The following CNNM2 variants were observed in gnomAD, a reference collection of about 807,000 sequenced individuals.
CNNM2 encodes metal transporter CNNM2.
Under a neutral mutation model 66.9 loss-of-function variants are expected in CNNM2, and 12 were observed. The ratio of observed to expected loss-of-function variants is 0.18; its 90% CI spans 0.11 to 0.29. The LOEUF is 0.29. CNNM2 is among the 10% of genes least tolerant of loss of function. The pLI is 1.00. For synonymous variants in CNNM2, 557 were observed against 501.8 expected (o/e 1.11, Z -1.47); for missense variants, 705 against 1,167.7 (o/e 0.60, Z 5.77).
At position 103,089,501 on chromosome 10, in the gene CNNM2, C is replaced by T; in HGVS notation, c.*12321C>T. On this transcript the variant is annotated 3_prime_UTR_variant, in exon 8 of 8. Transcript: ENST00000369878. ...GGACCATCTGCAGAGAGTACAGATA[C>T]ACAAAACCAAAACAAGTATCTATGA... The T allele has an allele frequency of 7.8e-7, 1 of 1,278,646 alleles. No individual in the cohort carries two copies. The highest frequency in any genetic ancestry group is 1.9e-5 in the South Asian group (1 of 53,978). 79.2% of individuals were successfully genotyped at this position (1,278,646 alleles called of 1,614,324 possible).
chr10:102,944,033 A>G (rs1373005736), intron 1 of CNNM2, among the ~76,000 whole-genome samples: 1 of 151,132 alleles, frequency 6.6e-6, no homozygotes, highest in Non-Finnish European at 1.5e-5. Flanking sequence ...TACAATTAAA[A>G]CCTCACATTT....
chr10:102,930,854 T>C (rs1846039993), intron 1 of CNNM2, among the ~76,000 whole-genome samples: 1 of 152,218 alleles, frequency 6.6e-6, no homozygotes. Context: ...TTCATCCATG[T>C]TGTAGCATGT....
intron 1 of CNNM2, among the ~76,000 whole-genome samples, chr10:102,985,891 G>C: frequency 6.6e-6 from 1 of 152,152 alleles, no homozygotes; most frequent in East Asian, 1.9e-4. Flanking sequence ...TCAGACTTCA[G>C]AGTATTATCC....
In CNNM2 at chr10:103,081,068, G is replaced by A. The variant is rs1158442720; in HGVS notation, c.*3888G>A. ...GTGATCCTAGGCAGATGACTCACCC[G>A]GGCTGGCACAGGAAGGTGCTCACCT... On this transcript the variant is annotated 3_prime_UTR_variant, in exon 8 of 8. Transcript: ENST00000369878. 1.3e-5 allele frequency: 2 copies of A among 152,182 alleles called. No homozygotes were observed. Among genetic ancestry groups the A allele is most frequent in the Non-Finnish European group, 2.9e-5 (2 of 68,062 alleles). 9.4% of individuals were successfully genotyped at this position (152,182 alleles called of 1,614,324 possible).
intron 1 of CNNM2, among the ~76,000 whole-genome samples, chr10:102,957,655 G>A (rs906589528): frequency 3.9e-5 from 6 of 152,284 alleles, no homozygotes; most frequent in South Asian, 4.1e-4. Flanking sequence ...TTCCTTCCAC[G>A]TCCAAGGTCC....
intron 1 of CNNM2, among the ~76,000 whole-genome samples, chr10:103,028,272 T>C (rs565455420): frequency 7.9e-5 from 12 of 152,376 alleles, no homozygotes; most frequent in African/African-American, 2.6e-4. Context: ...TGAGTTCTTT[T>C]GGCCATTCAT....
intron 1 of CNNM2, among the ~76,000 whole-genome samples, chr10:102,936,428 A>G (rs541858855): frequency 3.3e-5 from 5 of 151,786 alleles, no homozygotes; most frequent in African/African-American, 1.2e-4. Flanking sequence ...CCTACCTTTT[A>G]GTCATTGCTT....
At chr10:102,990,034 T>C (rs1392049899) in intron 1 of CNNM2, among the ~76,000 whole-genome samples, 1 of 150,998 alleles carries the variant, frequency 6.6e-6, no homozygotes, top group African/African-American at 2.4e-5. Context: ...AACCTCTCCC[T>C]CCCCGGTTCA....
At chr10:102,976,335 AG>A (rs1026181127) in intron 1 of CNNM2, among the ~76,000 whole-genome samples, 6 of 151,190 alleles carry the variant, frequency 4.0e-5, no homozygotes, top group African/African-American at 1.5e-4. Context: ...CCTTTGTTTC[AG>A]GGTTCTCTGA....
intron 1 of CNNM2, among the ~76,000 whole-genome samples, chr10:102,948,758 T>G (rs1451009718): frequency 2.0e-5 from 3 of 152,064 alleles, no homozygotes; most frequent in Non-Finnish European, 4.4e-5. Context: ...AGACTGGCAT[T>G]TGGAGGCCTT....
At chr10:102,959,073 G>A (rs1446947948) in intron 1 of CNNM2, among the ~76,000 whole-genome samples, 1 of 151,846 alleles carries the variant, frequency 6.6e-6, no homozygotes, top group Non-Finnish European at 1.5e-5. Flanking sequence ...TCAGCCTCAC[G>A]ACTAGCTGGG....
At chr10:103,070,688 T>G (rs1446801117) in intron 5 of CNNM2, among the ~76,000 whole-genome samples, 1 of 152,208 alleles carries the variant, frequency 6.6e-6, no homozygotes, top group Non-Finnish European at 1.5e-5. Context: ...AGTCTGGAAC[T>G]GCTAAAAAGG....
intron 1 of CNNM2, among the ~76,000 whole-genome samples, chr10:102,990,695 T>C (rs1342921951): frequency 6.6e-6 from 1 of 152,200 alleles, no homozygotes; most frequent in African/African-American, 2.4e-5. Context: ...TATACTTGTT[T>C]TGTAACAGAG....
intron 1 of CNNM2, among the ~76,000 whole-genome samples, chr10:103,005,174 A>AT (rs903859101): frequency 6.6e-6 from 1 of 151,706 alleles, no homozygotes; most frequent in Admixed American, 6.6e-5. Context: ...CTCGGCTCCC[A>AT]AAGTGATAGG....
At chr10:103,069,404 C>A (rs1054364012) in intron 5 of CNNM2, among the ~76,000 whole-genome samples, 1 of 152,198 alleles carries the variant, frequency 6.6e-6, no homozygotes, top group Admixed American at 6.5e-5. Flanking sequence ...TACTCCCAAC[C>A]TGTGCTGTGT....
intron 6 of CNNM2, among the ~76,000 whole-genome samples, chr10:103,073,587 C>T (rs972949447): frequency 1.3e-5 from 2 of 152,128 alleles, no homozygotes; most frequent in African/African-American, 2.4e-5. Flanking sequence ...ATGGGCCGGG[C>T]GCGGTGGCTC....
chr10:103,052,371 A>G (rs1395354486), intron 2 of CNNM2, among the ~76,000 whole-genome samples: 2 of 151,522 alleles, frequency 1.3e-5, no homozygotes, highest in Non-Finnish European at 2.9e-5. Context: ...AAGGCGATTT[A>G]CCATTTAGGA....
At chr10:102,936,618 A>G (rs1244971542) in intron 1 of CNNM2, among the ~76,000 whole-genome samples, 2 of 151,910 alleles carry the variant, frequency 1.3e-5, no homozygotes, top group African/African-American at 2.4e-5. Context: ...TACTCTTTTA[A>G]TCATATTTTG....
chr10:102,962,148 C>T (rs980459880), intron 1 of CNNM2, among the ~76,000 whole-genome samples: 5 of 151,996 alleles, frequency 3.3e-5, no homozygotes, highest in African/African-American at 7.3e-5. Context: ...TGGGGAACAA[C>T]ACACACTGGG....
Sources: allele counts gnomAD v4.1 joint callset (sites outside exome capture counted in the v4.1 genomes callset), GRCh38; gene constraint gnomAD v4.1.1; transcripts MANE v1.5; gene names NCBI Gene and HGNC (gene_info 2026-07-23, HGNC 2026-07-21).